UBP1: variants seen among roughly 807,000 people sequenced by gnomAD.
The protein encoded by UBP1 is upstream-binding protein 1.
In UBP1, 22 loss-of-function variants were observed where a neutral mutation model predicts 76.1. The observed-to-expected ratio is 0.29, with a 90% CI of 0.21 to 0.41. The LOEUF is 0.41. UBP1 is among the 10% of genes least tolerant of loss of function. UBP1 has a pLI of 1.00. For synonymous variants in UBP1, 224 were observed against 237.1 expected, an observed-to-expected ratio of 0.94 and a Z score of 0.51; for missense variants, 436 against 668.1, an observed-to-expected ratio of 0.65 and a Z score of 3.83.
At chr3:33,415,269 A>C (rs1211578828) in intron 3 of UBP1, among the ~76,000 whole-genome samples, 1 of 152,256 alleles carries the variant, frequency 6.6e-6, no homozygotes, top group East Asian at 1.9e-4. Flanking sequence ...CAATTGCTTC[A>C]GAATTGATTT....
At chr3:33,404,583 G>A (rs1559676389) in intron 8 of UBP1, among the ~76,000 whole-genome samples, 1 of 151,778 alleles carries the variant, frequency 6.6e-6, no homozygotes, top group African/African-American at 2.4e-5. Context: ...GGAAGGGGAG[G>A]CTGCAGTGAG....
intron 11 of UBP1, chr3:33,397,675 T>C (rs2044060200): frequency 1.3e-5 from 2 of 152,126 alleles, no homozygotes; most frequent in Admixed American, 1.3e-4. Context: ...CATAAACAAC[T>C]CTGTCACAGC....
At chr3:33,395,256 A>G (rs966968168) in intron 13 of UBP1, among the ~76,000 whole-genome samples, 1 of 152,230 alleles carries the variant, frequency 6.6e-6, no homozygotes, top group Non-Finnish European at 1.5e-5. Context: ...GTAAAATTCA[A>G]ACCACAAGAC....
At chr3:33,393,189 CTCTCTGAAAATGAT>C (rs2043837801) in intron 14 of UBP1, 109 bp downstream of exon 14, 1 of 1,061,464 alleles carries the variant, frequency 9.4e-7, no homozygotes, top group Non-Finnish European at 1.3e-6. Flanking sequence ...TGATTCCCAA[CTCTCTGAAAATGAT>C]TCTCATAAGT....
intron 13 of UBP1, among the ~76,000 whole-genome samples, chr3:33,393,810 G>A (rs572990146): frequency 6.6e-6 from 1 of 152,278 alleles, no homozygotes; most frequent in South Asian, 2.1e-4. Flanking sequence ...AAATGGACAT[G>A]GGGGATCTTC....
intron 1 of UBP1, among the ~76,000 whole-genome samples, chr3:33,437,771 T>C (rs2045225736): frequency 6.6e-6 from 1 of 152,186 alleles, no homozygotes. Context: ...GCATGGAAAG[T>C]ACAACTGCAG....
intron 8 of UBP1, chr3:33,403,327 G>C: frequency 4.2e-6 from 1 of 236,576 alleles, no homozygotes; most frequent in Non-Finnish European, 8.4e-6. Context: ...CTGAAACATG[G>C]CTCTGACCTA....
chr3:33,408,880 C>T, intron 7 of UBP1, 83 bp from the exon 8 acceptor site: 1 of 1,221,398 alleles, frequency 8.2e-7, no homozygotes, highest in East Asian at 2.3e-5. Context: ...TCTCTTCAGT[C>T]CAATTAAACA....
At position 33,393,471 on chromosome 3, in the gene UBP1, AAAAAG is replaced by A. The variant is rs747401582; in HGVS notation, c.1391-22_1391-18del. 1.9e-5 allele frequency: 30 copies of A among 1,595,440 alleles called. No homozygotes were observed. In the Admixed American group the frequency reaches 2.9e-4, roughly 15 times the overall value. On this transcript the variant is annotated intron_variant, in intron 13 of 15. Transcript: ENST00000283629. ...CATGATAAACTGAAATTAAAAAAAA[AAAAAG>A]AAAAGCATTTTAACAGTAATCTTTG...
At chr3:33,425,996 AATATAT>A (rs60739079) in intron 1 of UBP1, among the ~76,000 whole-genome samples, 3,189 of 54,718 alleles carry the variant, frequency 0.058, 85 homozygotes, top group Non-Finnish European at 0.071. Context: ...GGCAGCTCTG[AATATAT>A]ATATATATAT....
At chr3:33,408,927 G>T in intron 7 of UBP1, 130 bp from the exon 8 acceptor site, 1 of 962,246 alleles carries the variant, frequency 1.0e-6, no homozygotes, top group Non-Finnish European at 1.6e-6. Flanking sequence ...TAAAAAAAAT[G>T]CAAAACCCCA....
chr3:33,427,153 CAG>C (rs1390983517), intron 1 of UBP1, among the ~76,000 whole-genome samples: 2 of 152,144 alleles, frequency 1.3e-5, no homozygotes, highest in Non-Finnish European at 1.5e-5. Context: ...TTAGTAGAGA[CAG>C]GGTTTCGCCA....
intron 3 of UBP1, among the ~76,000 whole-genome samples, chr3:33,416,257 T>C (rs1369310909): frequency 2.0e-5 from 3 of 152,182 alleles, no homozygotes; most frequent in African/African-American, 7.2e-5. Flanking sequence ...GGATACAGGC[T>C]AGGAGGGGCC....
rs569538993 is a variant in UBP1 at position 33,392,990 on chromosome 3, T to TAGACAAAAGG, written c.1533+312_1533+321dup. 1,049 of 321,598 alleles carry TAGACAAAAGG rather than the reference T, an allele frequency of 3.3e-3. 3 individuals carry two copies. The highest frequency in any genetic ancestry group is 0.016 in the Middle Eastern group (20 of 1,214). 19.9% of individuals were successfully genotyped at this position (321,598 alleles called of 1,614,324 possible). A position where few individuals can be genotyped will look rare whatever the true frequency, so the allele number is the denominator to read the frequency against. ...TTTTTTTAAATTAGTCATCAAATAA[T>TAGACAAAAGG]AGACAAAAGGAAAACACATCCAGTG... On this transcript the variant is annotated intron_variant, in intron 14 of 15. Coordinates refer to ENST00000283629, the MANE Select transcript of UBP1 (RefSeq NM_014517.5).
At chr3:33,409,768 A>T (rs1271171062) in intron 5 of UBP1, among the ~76,000 whole-genome samples, 167 bp from the exon 6 acceptor site, 1 of 152,236 alleles carries the variant, frequency 6.6e-6, no homozygotes, top group Non-Finnish European at 1.5e-5. Flanking sequence ...TTTTTAAGAT[A>T]TGGCTTCCCT....
chr3:33,424,974 G>C (rs1376621741), intron 2 of UBP1, among the ~76,000 whole-genome samples: 6 of 152,096 alleles, frequency 3.9e-5, no homozygotes, highest in Non-Finnish European at 8.8e-5. Context: ...TAACCTGGGG[G>C]GCGGAGGTTG....
Position 33,416,774 on chromosome 3 carries a change from T to C in UBP1, c.326A>G (p.Asn109Ser), listed in dbSNP as rs3736563. 523,558 of 1,610,356 alleles carry C rather than the reference T, an allele frequency of 0.33. 93,416 individuals are homozygous for C. Among genetic ancestry groups the C allele is most frequent in the Admixed American group, 0.62 (36,956 of 59,918 alleles). ...NRKMGDMPEI[N>S]GKLVKSIIRV... ...TGTCCTTACCTTTACTAATTTTCCA[T>C]TGATCTCAGGCATATCACCCATTTT... The change falls in exon 3 of 16, where the codon AAT (asparagine) becomes AGT (serine). Residue 109 changes from asparagine (N) to serine (S), a missense_variant. Physicochemically the swap from Asn to Ser is conservative, Grantham distance 46 (BLOSUM62 1). Around this residue, in one of 3 missense-constraint regions of UBP1, gnomAD observed 161 missense variants for 237.9 expected, o/e 0.68. Coordinates refer to ENST00000283629, the MANE Select transcript of UBP1 (RefSeq NM_014517.5).
intron 11 of UBP1, chr3:33,398,002 A>G (rs1413070328): frequency 6.6e-6 from 1 of 152,246 alleles, no homozygotes; most frequent in African/African-American, 2.4e-5. Flanking sequence ...AATACAACAG[A>G]AGGCAGGAGA....
chr3:33,415,136 C>T (rs749307803), intron 3 of UBP1, among the ~76,000 whole-genome samples: 3 of 152,168 alleles, frequency 2.0e-5, no homozygotes, highest in Non-Finnish European at 4.4e-5. Context: ...GTATTTTAAC[C>T]AGCTTGCCAA....
Sources: allele counts gnomAD v4.1 joint callset (sites outside exome capture counted in the v4.1 genomes callset), GRCh38; gene constraint gnomAD v4.1.1; regional missense constraint gnomAD v4.1.1; transcripts MANE v1.5; gene names NCBI Gene and HGNC (gene_info 2026-07-23, HGNC 2026-07-21).